PRSS55: variants seen among roughly 807,000 people sequenced by gnomAD.
PRSS55 encodes serine protease 55.
A neutral mutation model predicts 23.6 loss-of-function variants in PRSS55; 41 were observed. That is an observed-to-expected ratio of 1.74 (90% CI 1.35 to 2.26). The LOEUF (loss-of-function observed/expected upper bound fraction) is 2.26. Among genes scored for constraint, PRSS55 ranks in the 30% most tolerant of loss-of-function variants. The pLI, the probability that PRSS55 is intolerant of heterozygous loss-of-function variation, is 0.00. For synonymous variants in PRSS55, 262 were observed against 175.5 expected (o/e 1.49, Z -3.90); for missense variants, 669 against 439.1 (o/e 1.52, Z -4.68).
chr8:10,528,661 C>G (rs1390602726), intron 1 of PRSS55, among the ~76,000 whole-genome samples: 1 of 152,154 alleles, frequency 6.6e-6, no homozygotes, highest in Non-Finnish European at 1.5e-5. Flanking sequence ...TTTCTATGCC[C>G]CACCCCTTGT....
At chr8:10,535,377 C>G (rs1812418870) in intron 4 of PRSS55, among the ~76,000 whole-genome samples, 1 of 152,116 alleles carries the variant, frequency 6.6e-6, no homozygotes, top group South Asian at 2.1e-4. Context: ...GACACATAGA[C>G]CAATGAAATA....
At chr8:10,527,195 T>A (rs10103552) in intron 1 of PRSS55, among the ~76,000 whole-genome samples, 5,387 of 152,304 alleles carry the variant, frequency 0.035, 329 homozygotes, top group African/African-American at 0.12. Context: ...AAATGCCCCA[T>A]GAGCCTAACT....
rs973856842 is a variant in PRSS55, at chr8:10,531,292, C to T, written c.348-3C>T. Reference sequence around the variant, plus strand: ...TTGCCCCTCTCTGGTTCTCTGCCACCAGTCCAGAAGAACTGAGTGTCGTGC... The same window carrying T: ...TTGCCCCTCTCTGGTTCTCTGCCACTAGTCCAGAAGAACTGAGTGTCGTGC... On this transcript the variant is annotated splice_polypyrimidine_tract_variant and splice_region_variant and intron_variant, in intron 2 of 4. Coordinates refer to ENST00000328655, the MANE Select transcript of PRSS55 (RefSeq NM_198464.4). 13 of 1,612,934 alleles carry T rather than the reference C, an allele frequency of 8.1e-6. No homozygotes were observed. Among genetic ancestry groups the T allele is most frequent in the Admixed American group, 3.3e-5 (2 of 60,012 alleles).
In PRSS55 at chr8:10,538,713, G is replaced by A; in HGVS notation, c.979G>A (p.Val327Ile). ...QKPMGSPVSG[V>I]PEPGSPRSWL... ...ACCTATGGGCTCCCCAGTCTCGGGA[G>A]TCCCAGAGCCAGGCAGCCCCAGATC... The change falls in exon 5 of 5, where the codon GTC (valine) becomes ATC (isoleucine). Residue 327 changes from valine to isoleucine, a missense_variant. Transcript: ENST00000328655. 6.2e-7 allele frequency: 1 copy of A among 1,613,864 alleles called. No individual in the cohort carries two copies. Among genetic ancestry groups the A allele is most frequent in the Non-Finnish European group, 8.5e-7 (1 of 1,179,924 alleles).
At chr8:10,526,718 G>A (rs1293919460) in intron 1 of PRSS55, among the ~76,000 whole-genome samples, 2 of 152,232 alleles carry the variant, frequency 1.3e-5, no homozygotes, top group African/African-American at 4.8e-5. Flanking sequence ...AAATGGATAT[G>A]AGAACTTCTG....
chr8:10,536,694 A>AG (rs1368356016), intron 4 of PRSS55, among the ~76,000 whole-genome samples: 2 of 152,206 alleles, frequency 1.3e-5, no homozygotes, highest in Non-Finnish European at 2.9e-5. Context: ...ATAAAAAAAA[A>AG]CAAAATCATA....
intron 4 of PRSS55, among the ~76,000 whole-genome samples, chr8:10,551,856 C>T (rs1812959457): frequency 6.6e-6 from 1 of 152,236 alleles, no homozygotes; most frequent in Non-Finnish European, 1.5e-5. Flanking sequence ...TTTCCATCTG[C>T]CCATTTAATA....
chr8:10,537,129 T>C (rs564867003), intron 4 of PRSS55, among the ~76,000 whole-genome samples: 1 of 152,216 alleles, frequency 6.6e-6, no homozygotes, highest in Non-Finnish European at 1.5e-5. Flanking sequence ...CTTCTGGGTA[T>C]ACGTCCAAAA....
At chr8:10,532,221 AG>A (rs1036208441) in intron 3 of PRSS55, among the ~76,000 whole-genome samples, 1 of 152,124 alleles carries the variant, frequency 6.6e-6, no homozygotes, top group Admixed American at 6.6e-5. Flanking sequence ...TAGCAACCAG[AG>A]GGGGAAGCGG....
At chr8:10,527,512 G>C (rs1812075284) in intron 1 of PRSS55, among the ~76,000 whole-genome samples, 2 of 152,250 alleles carry the variant, frequency 1.3e-5, no homozygotes, top group Admixed American at 1.3e-4. Context: ...GAAATAAGGA[G>C]TCACCAGGAT....
chr8:10,529,451 C>G, intron 1 of PRSS55, 56 bp from the exon 2 acceptor site: 1 of 1,569,492 alleles, frequency 6.4e-7, no homozygotes, highest in Non-Finnish European at 8.8e-7. Flanking sequence ...CCAGCTCACA[C>G]TGGATGCTGA....
chr8:10,548,835 C>T (rs981909420), intron 4 of PRSS55, among the ~76,000 whole-genome samples: 6 of 152,108 alleles, frequency 3.9e-5, no homozygotes, highest in South Asian at 2.1e-4. Flanking sequence ...AAGCATCTCC[C>T]GTGTGTCAGG....
At chr8:10,537,502 CAGTT>C (rs1370930066) in intron 4 of PRSS55, among the ~76,000 whole-genome samples, 5 of 152,092 alleles carry the variant, frequency 3.3e-5, no homozygotes, top group Admixed American at 6.5e-5. Context: ...CACGAAAACA[CAGTT>C]AGTTAGAATG....
At chr8:10,530,814 T>A (rs1812225354) in intron 2 of PRSS55, among the ~76,000 whole-genome samples, 1 of 152,200 alleles carries the variant, frequency 6.6e-6, no homozygotes, top group African/African-American at 2.4e-5. Context: ...GGGTTCGGAA[T>A]GTGGGCTTAT....
At chr8:10,526,141 G>T (rs117463575) in intron 1 of PRSS55, among the ~76,000 whole-genome samples, 17 of 152,172 alleles carry the variant, frequency 1.1e-4, no homozygotes, top group African/African-American at 4.1e-4. Context: ...CCTTGTGCCC[G>T]GCCCCCCAGA....
chr8:10,550,849 C>T (rs895581563), intron 4 of PRSS55, among the ~76,000 whole-genome samples: 1 of 152,220 alleles, frequency 6.6e-6, no homozygotes, highest in African/African-American at 2.4e-5. Context: ...TGCGTGAGCA[C>T]AAACACATCT....
intron 4 of PRSS55, among the ~76,000 whole-genome samples, chr8:10,553,467 TAAAC>T (rs1812995411): frequency 6.6e-6 from 1 of 152,194 alleles, no homozygotes; most frequent in African/African-American, 2.4e-5. Context: ...TACTCAGCCT[TAAAC>T]AAGAAGGAAA....
chr8:10,543,428 C>T (rs57100865), downstream of PRSS55, among the ~76,000 whole-genome samples: 16 of 10,556 alleles, frequency 1.5e-3, 1 homozygote, highest in East Asian at 0.028. Context: ...TTCTTTCTTC[C>T]TTCCTTCCTT....
downstream of PRSS55, chr8:10,540,257 GA>G (rs1812611643): frequency 6.6e-6 from 1 of 152,300 alleles, no homozygotes; most frequent in Admixed American, 6.5e-5. Flanking sequence ...CCCTCATGTA[GA>G]CCCAGCGCTG....
Sources: gnomAD v4.1 joint callset for allele counts (sites outside exome capture counted in the v4.1 genomes callset) on GRCh38, gnomAD v4.1.1 for gene constraint, MANE v1.5 for transcripts, NCBI Gene and HGNC (gene_info 2026-07-23, HGNC 2026-07-21) for gene names.